KIF26B: variants seen among roughly 807,000 people sequenced by gnomAD.
KIF26B encodes the protein kinesin family member 26B.
Under a neutral mutation model 151.2 loss-of-function variants are expected in KIF26B, and 63 were observed. The ratio of observed to expected loss-of-function variants is 0.42; its 90% CI spans 0.34 to 0.51. The LOEUF (loss-of-function observed/expected upper bound fraction) is 0.51. Among genes scored for constraint, KIF26B ranks in the 20% least tolerant of loss-of-function variants. KIF26B has a pLI of 0.07. For synonymous variants in KIF26B, 1,357 were observed against 1,262.1 expected, an observed-to-expected ratio of 1.08 and a Z score of -1.59; for missense variants, 2,813 against 2,913.6, an observed-to-expected ratio of 0.97 and a Z score of 0.79.
In KIF26B at chr1:245,572,952, C is replaced by T. The variant is rs921128833; in HGVS notation, c.1351-29625C>T. ...CACCTGCTCTGAACAGATTCTGTAGCGTAAAATTCTTTATAAATACACATA... is the reference window on the plus strand; with the variant it reads ...CACCTGCTCTGAACAGATTCTGTAGTGTAAAATTCTTTATAAATACACATA... On this transcript the variant is annotated intron_variant, in intron 5 of 14. Coordinates refer to ENST00000407071, the MANE Select transcript of KIF26B (RefSeq NM_018012.4). The surrounding 1 kb of genome is among the most constrained non-coding windows in gnomAD (Gnocchi z 4.2). Among the ~76,000 whole-genome samples, 15 of 152,106 alleles carry T rather than the reference C, an allele frequency of 9.9e-5. No individual in the cohort carries two copies. The highest frequency in any genetic ancestry group is 1.9e-4 in the Non-Finnish European group (13 of 68,024).
At chr1:245,183,243 C>G (rs1192964545) in intron 2 of KIF26B, among the ~76,000 whole-genome samples, 1 of 152,102 alleles carries the variant, frequency 6.6e-6, no homozygotes, top group Non-Finnish European at 1.5e-5. Context: ...AGTATTTTCT[C>G]CTGGTCTGTG....
intron 9 of KIF26B, among the ~76,000 whole-genome samples, chr1:245,634,327 CT>C (rs2043812559): frequency 6.6e-6 from 1 of 152,134 alleles, no homozygotes. Context: ...ATTTATTGTA[CT>C]TGCCTTATTG....
chr1:245,690,013 C>T (rs867613055), intron 12 of KIF26B, among the ~76,000 whole-genome samples: 3 of 151,902 alleles, frequency 2.0e-5, no homozygotes, highest in Admixed American at 6.6e-5. Flanking sequence ...GAGCTGGTGG[C>T]CCTGGAGGTC....
rs1659417120 is a variant in KIF26B at position 245,452,405 on chromosome 1, G to C, written c.1166+32660G>C. ...GTAAGTAATGCTGCTATGAACGATG[G>C]TGTTCAAATATCTCTTTGAGTCTCT... On this transcript the variant is annotated intron_variant, in intron 4 of 14. Transcript: ENST00000407071. Among the ~76,000 whole-genome samples, 4 of 152,046 alleles carry C rather than the reference G, an allele frequency of 2.6e-5. No homozygotes were observed. In the South Asian group the frequency reaches 8.3e-4, roughly 32 times the overall value.
At chr1:245,360,939 G>C (rs7527025) in intron 2 of KIF26B, among the ~76,000 whole-genome samples, 12,205 of 152,190 alleles carry the variant, frequency 0.08, 1,506 homozygotes, top group African/African-American at 0.26. Context: ...GCTTGATGCA[G>C]TGAGCCAAAA....
rs368206503 is a variant in KIF26B, at chr1:245,382,553, GTTT to G, written c.999+15188_999+15190del. On this transcript the variant is annotated intron_variant, in intron 3 of 14. Coordinates refer to ENST00000407071, the MANE Select transcript of KIF26B (RefSeq NM_018012.4). ...CAGGTTTGTGTGTGTGTGTGTGTGT[GTTT>G]TGTTTCTTGTTTTGTTTTGTTTTGT... Among the ~76,000 whole-genome samples, 439 of 148,116 alleles carry G rather than the reference GTTT, an allele frequency of 3.0e-3. 3 individuals are homozygous for G. The highest frequency in any genetic ancestry group is 0.01 in the African/African-American group (415 of 39,746).
At chr1:245,477,949 T>C (rs1214063102) in intron 4 of KIF26B, among the ~76,000 whole-genome samples, 2 of 151,738 alleles carry the variant, frequency 1.3e-5, no homozygotes, top group Non-Finnish European at 3.0e-5. Context: ...AACATTTTCT[T>C]CACCCCAAAA....
At chr1:245,471,453 T>C (rs1249450633) in intron 4 of KIF26B, among the ~76,000 whole-genome samples, 1 of 152,150 alleles carries the variant, frequency 6.6e-6, no homozygotes, top group Non-Finnish European at 1.5e-5. Context: ...TGTTTTTAAC[T>C]CTAGATGACT....
In KIF26B at chr1:245,607,659, G is replaced by A; in HGVS notation, c.1566G>A (p.Val522=). The A allele has an allele frequency of 1.2e-6, 2 of 1,610,082 alleles. No homozygotes were observed. Among genetic ancestry groups the A allele is most frequent in the Non-Finnish European group, 1.7e-6 (2 of 1,178,194 alleles). The part of the protein sequence containing the change: ...VFPQDASQAE[V]CAGTVAEVIQ... ...CCTCTTGTGTCTGACAGGCTGAAGT[G>A]TGTGCAGGCACCGTGGCAGAGGTGA... Residue 522 remains valine, a synonymous_variant, in exon 7 of 15, where the codon GTG becomes GTA. Coordinates refer to ENST00000407071, the MANE Select transcript of KIF26B (RefSeq NM_018012.4).
chr1:245,552,710 T>C (rs907027218), intron 5 of KIF26B, among the ~76,000 whole-genome samples: 3 of 151,510 alleles, frequency 2.0e-5, no homozygotes, highest in Non-Finnish European at 4.4e-5. Context: ...CCTGCTGGGT[T>C]CAAGCGATTC....
At position 245,433,477 on chromosome 1, in the gene KIF26B, AAAGAAGAAG is replaced by A. The variant is rs549915125; in HGVS notation, c.1166+13748_1166+13756del. The stretch of plus-strand genomic sequence containing the variant: ...GCAAGACTCTGTCTCAAAAAAAAAA[AAAGAAGAAG>A]AAGAAGAAGAAGAAGTAAGAAGTTA... On this transcript the variant is annotated intron_variant, in intron 4 of 14. Coordinates refer to ENST00000407071, the MANE Select transcript of KIF26B (RefSeq NM_018012.4). 1.1e-4 allele frequency among the ~76,000 whole-genome samples: 17 copies of A among 147,828 alleles called. No homozygotes were observed. The East Asian group carries it at 1.6e-3, about 14-fold the overall frequency.
intron 12 of KIF26B, among the ~76,000 whole-genome samples, chr1:245,691,579 A>T (rs187240946): frequency 1.1e-4 from 16 of 152,350 alleles, no homozygotes; most frequent in African/African-American, 3.8e-4. Flanking sequence ...AATCAAAAGC[A>T]ACTTCTTTAA....
At chr1:245,471,997 G>A (rs1659925706) in intron 4 of KIF26B, among the ~76,000 whole-genome samples, 1 of 152,142 alleles carries the variant, frequency 6.6e-6, no homozygotes, top group Non-Finnish European at 1.5e-5. Flanking sequence ...TCACCATGTT[G>A]GCCAGGCTGG....
At chr1:245,412,657 A>ATTTGGGATTCTCTCTTTC (rs1483076891) in intron 3 of KIF26B, among the ~76,000 whole-genome samples, 4 of 152,184 alleles carry the variant, frequency 2.6e-5, no homozygotes, top group African/African-American at 4.8e-5. Context: ...TGGTAACCAC[A>ATTTGGGATTCTCTCTTTC]TTTGGGATTC....
At chr1:245,369,068 G>A (rs146373705) in intron 3 of KIF26B, among the ~76,000 whole-genome samples, 2 of 152,224 alleles carry the variant, frequency 1.3e-5, no homozygotes, top group East Asian at 3.9e-4. Flanking sequence ...AGCCCAGGAG[G>A]CGGAGGCTGC....
intron 4 of KIF26B, among the ~76,000 whole-genome samples, chr1:245,435,610 A>G (rs568347501): frequency 6.6e-6 from 1 of 152,196 alleles, no homozygotes; most frequent in Non-Finnish European, 1.5e-5. Context: ...TGCATCTCAT[A>G]GTCATTAAGG....
intron 2 of KIF26B, among the ~76,000 whole-genome samples, chr1:245,285,263 T>C (rs886583067): frequency 1.3e-5 from 2 of 152,152 alleles, no homozygotes; most frequent in African/African-American, 4.8e-5. Flanking sequence ...AGCAGAAACA[T>C]GCATGAGCAG....
At chr1:245,620,009 G>A (rs757572031) in intron 9 of KIF26B, among the ~76,000 whole-genome samples, 1 of 151,974 alleles carries the variant, frequency 6.6e-6, no homozygotes, top group African/African-American at 2.4e-5. Context: ...TACCTTTCAC[G>A]TAAGCAGATG....
At chr1:245,288,801 T>TC (rs1446037752) in intron 2 of KIF26B, among the ~76,000 whole-genome samples, 1 of 152,206 alleles carries the variant, frequency 6.6e-6, no homozygotes, top group Non-Finnish European at 1.5e-5. Context: ...GATTTTTTTT[T>TC]CCTAAAATAT....
Sources: allele counts gnomAD v4.1 joint callset (sites outside exome capture counted in the v4.1 genomes callset), GRCh38; gene constraint gnomAD v4.1.1; non-coding constraint Gnocchi (gnomAD v3.1); transcripts MANE v1.5; gene names NCBI Gene and HGNC (gene_info 2026-07-23, HGNC 2026-07-21).